BCR: variants seen among roughly 807,000 people sequenced by gnomAD.
BCR encodes the protein breakpoint cluster region protein.
In BCR, 58 loss-of-function variants were observed where a neutral mutation model predicts 138.6. The ratio of observed to expected loss-of-function variants is 0.42; its 90% CI spans 0.34 to 0.52. The LOEUF (loss-of-function observed/expected upper bound fraction) is 0.52. Ranked by LOEUF, BCR falls within the 20% of genes least tolerant of loss-of-function variation. BCR has a pLI of 0.06. For missense variants in BCR, 1,599 were observed against 1,727.2 expected, an observed-to-expected ratio of 0.93 and a Z score of 1.32; for synonymous variants, 786 against 730.1, an observed-to-expected ratio of 1.08 and a Z score of -1.23.
rs567815854 is a variant in BCR, at chr22:23,316,831, G to C, written c.*1309G>C. On this transcript the variant is annotated 3_prime_UTR_variant, in exon 23 of 23. Coordinates refer to ENST00000305877, the MANE Select transcript of BCR (RefSeq NM_004327.4). Reference sequence around the variant, plus strand: ...CTTTGTAAACCCTCCTGACCACCTGGCTCAAAGAAAACAGAAGCATGGAGA... The same window carrying C: ...CTTTGTAAACCCTCCTGACCACCTGCCTCAAAGAAAACAGAAGCATGGAGA... The C allele has an allele frequency of 1.7e-3, 171 of 101,858 alleles. 16 individuals carry two copies. Among genetic ancestry groups the C allele is most frequent in the South Asian group, 0.011 (31 of 2,836 alleles). 6.3% of individuals were successfully genotyped at this position (101,858 alleles called of 1,614,324 possible).
intron 1 of BCR, chr22:23,243,024 A>G (rs1286724053): frequency 2.8e-6 from 1 of 357,586 alleles, no homozygotes; most frequent in Non-Finnish European, 5.6e-6. Context: ...GATATTTGTC[A>G]TTGGATTTAG....
rs750851333 is a variant in BCR at position 23,314,558 on chromosome 22, A to G, written c.3570A>G (p.Ala1190=). 1.3e-5 allele frequency: 21 copies of G among 1,611,876 alleles called. No individual in the cohort carries two copies. In the East Asian group the frequency reaches 4.7e-4, roughly 36 times the overall value. ...LFLLDHLKRV[A]EKEAVNKMSL... is the part of the protein sequence containing the mutation. ...CTGCTTTGGTCCTCTACAGGGTGGC[A>G]GAGAAGGAGGCAGTCAATAAGATGT... Residue 1190 remains alanine (A), a synonymous_variant, in exon 22 of 23, where the codon GCA becomes GCG. Transcript: ENST00000305877.
intron 1 of BCR, among the ~76,000 whole-genome samples, chr22:23,205,141 C>G (rs539239123): frequency 1.3e-5 from 2 of 152,324 alleles, no homozygotes; most frequent in East Asian, 1.9e-4. Context: ...GCAGGGAAAG[C>G]CTGTTAGTCT....
intron 5 of BCR, among the ~76,000 whole-genome samples, chr22:23,270,553 A>G (rs1568965517): frequency 6.6e-6 from 1 of 152,152 alleles, no homozygotes; most frequent in Non-Finnish European, 1.5e-5. Context: ...TCAGATATAC[A>G]GAAGAACAGT....
At chr22:23,313,482 C>G (rs368468787) in intron 20 of BCR, among the ~76,000 whole-genome samples, 1 of 152,232 alleles carries the variant, frequency 6.6e-6, no homozygotes, top group Non-Finnish European at 1.5e-5. Context: ...GTCTGCCTCC[C>G]GGGCCCATGC....
chr22:23,218,487 A>C (rs1390203971), intron 1 of BCR, among the ~76,000 whole-genome samples: 1 of 152,144 alleles, frequency 6.6e-6, no homozygotes, highest in Admixed American at 6.5e-5. Flanking sequence ...GCACGGGGCC[A>C]CTGTGGGACC....
chr22:23,258,262 AG>A (rs1386447561), intron 2 of BCR, among the ~76,000 whole-genome samples: 4 of 104,606 alleles, frequency 3.8e-5, no homozygotes, highest in Non-Finnish European at 9.4e-5. Flanking sequence ...AAGGTGGCCC[AG>A]GAAGGCTTTT....
intron 1 of BCR, among the ~76,000 whole-genome samples, chr22:23,221,701 C>G (rs755874715): frequency 2.0e-5 from 3 of 152,200 alleles, no homozygotes; most frequent in Non-Finnish European, 4.4e-5. Flanking sequence ...TGGCAAGAGT[C>G]ATTTTTGTTT....
At position 23,317,324 on chromosome 22, in the gene BCR, G is replaced by A. The variant is rs866928532; in HGVS notation, c.*1802G>A. On this transcript the variant is annotated 3_prime_UTR_variant, in exon 23 of 23. Transcript: ENST00000305877. ...GGGAGAGCACAGCCACCATTTACAA[G>A]CAGTGTCACCGTCGTGGGTGGCGAG... The A allele has an allele frequency of 3.9e-4, 70 of 181,666 alleles. 2 individuals are homozygous for A. In the Middle Eastern group the frequency reaches 9.6e-3, roughly 25 times the overall value. The allele number at this position is 181,666 out of a possible 1,614,324, so 11.3% of individuals were successfully genotyped here.
At chr22:23,246,403 G>A (rs766732341) in intron 1 of BCR, among the ~76,000 whole-genome samples, 2 of 152,192 alleles carry the variant, frequency 1.3e-5, no homozygotes, top group African/African-American at 2.4e-5. Flanking sequence ...TGAATCTGAT[G>A]GACATTTGGA....
rs546526219 is a variant in BCR at position 23,309,658 on chromosome 22, A to G, written c.3072+175A>G. On this transcript the variant is annotated intron_variant, in intron 17 of 22. Coordinates refer to ENST00000305877, the MANE Select transcript of BCR (RefSeq NM_004327.4). ...TCACCATGCACGGGAATCGTCATTC[A>G]TTGGCTGGAATGCAGTTGCCAGCCA... The G allele has an allele frequency of 2.2e-5, 13 of 604,342 alleles. No homozygotes were observed. The East Asian group carries it at 3.4e-4, about 16-fold the overall frequency. The allele number at this position is 604,342 out of a possible 1,614,324, so 37.4% of individuals were successfully genotyped here.
intron 1 of BCR, among the ~76,000 whole-genome samples, chr22:23,236,946 A>C (rs2073033298): frequency 6.6e-6 from 1 of 152,186 alleles, no homozygotes; most frequent in Admixed American, 6.5e-5. Flanking sequence ...AGTGTTGGGC[A>C]GGGTGACCTG....
At chr22:23,214,813 A>G (rs752788596) in intron 1 of BCR, among the ~76,000 whole-genome samples, 5 of 152,138 alleles carry the variant, frequency 3.3e-5, no homozygotes, top group African/African-American at 4.8e-5. Flanking sequence ...TTAAATTATG[A>G]TGAACTATAC....
intron 4 of BCR, chr22:23,263,349 G>A: frequency 2.5e-6 from 3 of 1,201,722 alleles, no homozygotes; most frequent in Non-Finnish European, 3.6e-6. Flanking sequence ...GATAGCCTGG[G>A]CCTCGCTCAA....
At chr22:23,285,224 C>T in intron 10 of BCR, 23 bp downstream of exon 10, 1 of 1,600,210 alleles carries the variant, frequency 6.2e-7, no homozygotes. Context: ...GGAGCAAGGG[C>T]CGGGTTTGGT....
chr22:23,310,070 A>AT (rs2073990757), intron 17 of BCR: 2 of 489,496 alleles, frequency 4.1e-6, no homozygotes, highest in African/African-American at 2.0e-5. Flanking sequence ...TCTAAAAAAA[A>AT]GCAAGCAAGC....
At chr22:23,268,138 G>A (rs1050493269) in intron 4 of BCR, among the ~76,000 whole-genome samples, 1 of 152,192 alleles carries the variant, frequency 6.6e-6, no homozygotes, top group African/African-American at 2.4e-5. Flanking sequence ...GAATGGGGTG[G>A]GAGGAATAAG....
intron 16 of BCR, among the ~76,000 whole-genome samples, chr22:23,300,828 C>T (rs532909931): frequency 1.3e-5 from 2 of 152,284 alleles, no homozygotes; most frequent in South Asian, 4.2e-4. Context: ...CAAATCTCAT[C>T]CCCGAGGCTC....
intron 19 of BCR, among the ~76,000 whole-genome samples, chr22:23,312,175 G>A (rs1275433097): frequency 6.6e-6 from 1 of 152,210 alleles, no homozygotes; most frequent in Admixed American, 6.5e-5. Context: ...GCAGGCAGAG[G>A]GCACTGATGA....
Sources: gnomAD v4.1 joint callset for allele counts (sites outside exome capture counted in the v4.1 genomes callset) on GRCh38, gnomAD v4.1.1 for gene constraint, MANE v1.5 for transcripts, NCBI Gene and HGNC (gene_info 2026-07-23, HGNC 2026-07-21) for gene names.